Variants in SIAH3 observed in about 807,000 individuals in gnomAD.
SIAH3 encodes seven in absentia homolog 3.
In SIAH3, 9 loss-of-function variants were observed where a neutral mutation model predicts 12.6. The ratio of observed to expected loss-of-function variants is 0.72; its 90% CI spans 0.43 to 1.25. The LOEUF (loss-of-function observed/expected upper bound fraction) is 1.25. SIAH3 is among the 50% of genes most tolerant of loss of function. The pLI is 0.00. For missense variants in SIAH3, 390 were observed against 365.4 expected, an observed-to-expected ratio of 1.07 and a Z score of -0.55; for synonymous variants, 154 against 151.1, an observed-to-expected ratio of 1.02 and a Z score of -0.14.
intron 1 of SIAH3, among the ~76,000 whole-genome samples, chr13:45,842,127 C>T (rs1950742281): frequency 6.6e-6 from 1 of 152,168 alleles, no homozygotes; most frequent in Admixed American, 6.5e-5. Flanking sequence ...AAGCATGGTC[C>T]TCAGCAGGTA....
At chr13:45,799,999 A>G (rs1009353740) in intron 1 of SIAH3, among the ~76,000 whole-genome samples, 3 of 152,248 alleles carry the variant, frequency 2.0e-5, no homozygotes, top group Admixed American at 1.3e-4. Context: ...TCTAGCACAG[A>G]TAACTATGGG....
chr13:45,799,246 G>A (rs993532352), intron 1 of SIAH3, among the ~76,000 whole-genome samples: 2 of 152,188 alleles, frequency 1.3e-5, no homozygotes, highest in African/African-American at 4.8e-5. Flanking sequence ...ATGGAGATAT[G>A]GGTCCAGGTC....
At chr13:45,845,340 A>G (rs952098545) in intron 1 of SIAH3, among the ~76,000 whole-genome samples, 1 of 152,082 alleles carries the variant, frequency 6.6e-6, no homozygotes, top group South Asian at 2.1e-4. Context: ...TGAAAGGTAC[A>G]ATTTCTTGAG....
chr13:45,832,212 C>A (rs552990298), intron 1 of SIAH3, among the ~76,000 whole-genome samples: 1 of 152,300 alleles, frequency 6.6e-6, no homozygotes, highest in Non-Finnish European at 1.5e-5. Context: ...AAAATAAAAT[C>A]TTCCATTTTA....
intron 1 of SIAH3, among the ~76,000 whole-genome samples, chr13:45,786,293 G>T (rs1184190279): frequency 6.6e-6 from 1 of 152,096 alleles, no homozygotes; most frequent in African/African-American, 2.4e-5. Context: ...AACCCAAATG[G>T]TGTCCCTCTT....
chr13:45,825,081 C>G (rs1230633811), intron 1 of SIAH3, among the ~76,000 whole-genome samples: 2 of 152,106 alleles, frequency 1.3e-5, no homozygotes, highest in African/African-American at 2.4e-5. Flanking sequence ...TCCACGAGAT[C>G]TTACTTACCC....
chr13:45,804,041 A>G (rs545487384), intron 1 of SIAH3, among the ~76,000 whole-genome samples: 1 of 152,314 alleles, frequency 6.6e-6, no homozygotes, highest in South Asian at 2.1e-4. Context: ...CCTAAAAAGT[A>G]AACTGTGGCT....
At chr13:45,784,125 T>A (rs757932222) in intron 1 of SIAH3, 68 bp from the exon 2 acceptor site, 86 of 1,412,562 alleles carry the variant, frequency 6.1e-5, no homozygotes, top group Non-Finnish European at 8.0e-5. Flanking sequence ...ACTCCCCTGA[T>A]GTTCAAAGTG....
intron 1 of SIAH3, among the ~76,000 whole-genome samples, chr13:45,835,101 C>T (rs1312102949): frequency 6.6e-6 from 1 of 152,160 alleles, no homozygotes; most frequent in Non-Finnish European, 1.5e-5. Context: ...GACTGATTCT[C>T]TCCCACCACC....
chr13:45,812,631 C>G (rs887986328), intron 1 of SIAH3, among the ~76,000 whole-genome samples: 1 of 152,134 alleles, frequency 6.6e-6, no homozygotes, highest in Admixed American at 6.5e-5. Flanking sequence ...GCTATGCTTT[C>G]CTGTGATGCA....
Position 45,783,130 on chromosome 13 carries a change from TA to T in SIAH3, c.*252del, listed in dbSNP as rs951372170. On this transcript the variant is annotated 3_prime_UTR_variant, in exon 2 of 2. Transcript: ENST00000400405. Reference sequence around the variant, plus strand: ...CTGAATAAATCTTACAAACATTCTATAAAACAACACCAACAAGGCAGGACAA... The same window carrying T: ...CTGAATAAATCTTACAAACATTCTATAAACAACACCAACAAGGCAGGACAA... 3.7e-6 allele frequency: 1 copy of T among 269,620 alleles called. No homozygotes were observed. The highest frequency in any genetic ancestry group is 2.2e-5 in the African/African-American group (1 of 45,396). 16.7% of individuals were successfully genotyped at this position (269,620 alleles called of 1,614,324 possible).
chr13:45,793,539 G>A (rs1480591696), intron 1 of SIAH3, among the ~76,000 whole-genome samples: 2 of 152,130 alleles, frequency 1.3e-5, no homozygotes, highest in African/African-American at 2.4e-5. Flanking sequence ...GGCTCCAGGT[G>A]GGTGAGTACT....
At chr13:45,796,937 G>T (rs939428078) in intron 1 of SIAH3, among the ~76,000 whole-genome samples, 1 of 152,134 alleles carries the variant, frequency 6.6e-6, no homozygotes, top group Non-Finnish European at 1.5e-5. Flanking sequence ...CTTAGGCTTG[G>T]GGGGCAGGGA....
At chr13:45,790,181 A>C (rs1196428193) in intron 1 of SIAH3, among the ~76,000 whole-genome samples, 1 of 152,214 alleles carries the variant, frequency 6.6e-6, no homozygotes, top group African/African-American at 2.4e-5. Context: ...AAAATTATGC[A>C]ACTTGAGTGT....
intron 1 of SIAH3, among the ~76,000 whole-genome samples, chr13:45,815,559 G>A (rs1950631611): frequency 6.6e-6 from 1 of 152,176 alleles, no homozygotes; most frequent in African/African-American, 2.4e-5. Flanking sequence ...ATGTATGTGT[G>A]TATGTAGACA....
chr13:45,785,188 CCTT>C (rs1950523973), intron 1 of SIAH3, among the ~76,000 whole-genome samples: 1 of 152,180 alleles, frequency 6.6e-6, no homozygotes, highest in Non-Finnish European at 1.5e-5. Flanking sequence ...TTTCCTGACT[CCTT>C]CTTTTCCGTA....
chr13:45,850,103 C>A (rs985340775), intron 1 of SIAH3, among the ~76,000 whole-genome samples: 1 of 152,148 alleles, frequency 6.6e-6, no homozygotes, highest in Non-Finnish European at 1.5e-5. Flanking sequence ...CAGGTGTGAA[C>A]GGTTGCATGC....
chr13:45,841,223 G>A (rs1160208808), intron 1 of SIAH3, among the ~76,000 whole-genome samples: 2 of 152,192 alleles, frequency 1.3e-5, no homozygotes, highest in South Asian at 2.1e-4. Flanking sequence ...TGTTAGATCC[G>A]AGAGGCCATG....
chr13:45,829,132 A>G (rs1435728360), intron 1 of SIAH3, among the ~76,000 whole-genome samples: 2 of 152,232 alleles, frequency 1.3e-5, no homozygotes, highest in Non-Finnish European at 2.9e-5. Context: ...CTCACTTTGC[A>G]ATGGAGTAAA....
Sources: allele counts gnomAD v4.1 joint callset (sites outside exome capture counted in the v4.1 genomes callset), GRCh38; gene constraint gnomAD v4.1.1; transcripts MANE v1.5; gene names NCBI Gene and HGNC (gene_info 2026-07-23, HGNC 2026-07-21).